The following CD109 variants were observed in gnomAD, a reference collection of about 807,000 sequenced individuals.
The protein encoded by CD109 is CD109 molecule.
In CD109, 149 loss-of-function variants were observed where a neutral mutation model predicts 165.8. The ratio of observed to expected loss-of-function variants is 0.90; its 90% confidence interval spans 0.79 to 1.03. CD109 has a LOEUF of 1.03. Ranked by LOEUF, CD109 falls within the 50% of genes least tolerant of loss-of-function variation. CD109 has a pLI of 0.00. For missense variants in CD109, 1,712 were observed against 1,677.8 expected, an observed-to-expected ratio of 1.02 and a Z score of -0.36; for synonymous variants, 585 against 592.1, an observed-to-expected ratio of 0.99 and a Z score of 0.18.
intron 2 of CD109, among the ~76,000 whole-genome samples, chr6:73,717,579 T>TTCACTGC (rs1454452149): frequency 6.6e-6 from 1 of 151,530 alleles, no homozygotes; most frequent in Non-Finnish European, 1.5e-5. Context: ...TTTCAGATTG[T>TTCACTGC]TCACTGCTGG....
In CD109 at chr6:73,750,548, G is replaced by C. The variant is rs1288898476; in HGVS notation, c.634-6095G>C. ...GCATCTTCTGGGGTCAGTGAAATGGGAGAGGCAGAATCGAGATTTCAAGAG... is the reference window on the plus strand; with the variant it reads ...GCATCTTCTGGGGTCAGTGAAATGGCAGAGGCAGAATCGAGATTTCAAGAG... On this transcript the variant is annotated intron_variant, in intron 5 of 32. Transcript: ENST00000287097. 2.0e-5 allele frequency among the ~76,000 whole-genome samples: 3 copies of C among 152,156 alleles called. No homozygotes were observed. The East Asian group carries it at 5.8e-4, about 29-fold the overall frequency.
chr6:73,748,745 T>G (rs1035985793), intron 5 of CD109, among the ~76,000 whole-genome samples: 2 of 152,154 alleles, frequency 1.3e-5, no homozygotes, highest in Admixed American at 6.5e-5. Flanking sequence ...TTGAACCCCA[T>G]AGAGAAATAT....
In CD109 at chr6:73,806,973, A is replaced by G. The variant is rs148085421; in HGVS notation, c.3090A>G (p.Pro1030=). ...AATCCAACGGTGAATTTTGGGATCC[A>G]GGAAGAGTGATTCATAGTGAGCTTC... ...HQKSNGEFWD[P]GRVIHSELQG... Residue 1030 remains proline, a synonymous_variant, in exon 25 of 33, where the codon CCA becomes CCG. Transcript: ENST00000287097. 2.5e-6 allele frequency: 4 copies of G among 1,614,096 alleles called. No individual in the cohort carries two copies. The highest frequency in any genetic ancestry group is 2.5e-6 in the Non-Finnish European group (3 of 1,179,986).
intron 2 of CD109, among the ~76,000 whole-genome samples, chr6:73,704,016 C>A (rs1220066525): frequency 1.3e-5 from 2 of 152,060 alleles, no homozygotes; most frequent in Non-Finnish European, 2.9e-5. Flanking sequence ...GAAACCCCGT[C>A]TCTACCAAAA....
At chr6:73,737,558 T>C (rs1772594691) in intron 5 of CD109, among the ~76,000 whole-genome samples, 1 of 152,238 alleles carries the variant, frequency 6.6e-6, no homozygotes, top group Admixed American at 6.5e-5. Context: ...TGCATAACCA[T>C]TAAAGTCATG....
intron 2 of CD109, among the ~76,000 whole-genome samples, chr6:73,707,637 A>G (rs972622389): frequency 2.0e-5 from 3 of 152,098 alleles, no homozygotes; most frequent in East Asian, 1.9e-4. Context: ...GTATCATCCA[A>G]TATGGTAGCT....
chr6:73,766,011 A>G lies in CD109; in HGVS notation c.1189A>G (p.Asn397Asp). 6.2e-7 allele frequency: 1 copy of G among 1,614,132 alleles called. No individual in the cohort carries two copies. The highest frequency in any genetic ancestry group is 1.1e-5 in the South Asian group (1 of 91,078). Residue 397 changes from asparagine (N) to aspartate (D), a missense_variant, in exon 11 of 33, where the codon AAC becomes GAC. Physicochemically the swap from Asn to Asp is conservative, Grantham distance 23 (BLOSUM62 1). Coordinates refer to ENST00000287097, the MANE Select transcript of CD109 (RefSeq NM_133493.5). The stretch of plus-strand genomic sequence containing the variant: ...TGTAGTCATAACAGTGACACAGAGA[A>G]ACTATACTGAGTACTGGAGCGGATC... ...NNVVITVTQRNYTEYWSGSNS... is the reference protein window; with the variant it reads ...NNVVITVTQRDYTEYWSGSNS...
intron 2 of CD109, among the ~76,000 whole-genome samples, chr6:73,710,224 G>C (rs1004669513): frequency 4.6e-5 from 7 of 152,268 alleles, no homozygotes; most frequent in Admixed American, 1.3e-4. Flanking sequence ...TCCTTAAGCT[G>C]ATAAGCAACT....
intron 5 of CD109, among the ~76,000 whole-genome samples, chr6:73,737,824 G>A (rs1772604620): frequency 6.6e-6 from 1 of 152,236 alleles, no homozygotes; most frequent in African/African-American, 2.4e-5. Context: ...GATGTTACTG[G>A]AGCATGTGGA....
Position 73,696,255 on chromosome 6 carries a change from T to C in CD109, c.40T>C (p.Cys14Arg). 1 of 1,540,028 alleles carries C rather than the reference T, an allele frequency of 6.5e-7. No homozygotes were observed. Among genetic ancestry groups the C allele is most frequent in the South Asian group, 1.2e-5 (1 of 84,114 alleles). Residue 14 changes from cysteine to arginine, a missense_variant, in exon 1 of 33, where the codon TGC becomes CGC. Physicochemically the swap from Cys to Arg is radical, Grantham distance 180 (BLOSUM62 -3). Transcript: ENST00000287097. ...PPLLTAAHLL[C>R]VCTAALAVAP... is the part of the protein sequence containing the mutation. The stretch of plus-strand genomic sequence containing the variant: ...GCTCCTGACCGCCGCCCACCTCCTC[T>C]GCGTGTGCACCGCCGCGCTGGCCGT...
At chr6:73,784,290 G>A (rs1235285762) in intron 19 of CD109, among the ~76,000 whole-genome samples, 1 of 127,584 alleles carries the variant, frequency 7.8e-6, no homozygotes, top group African/African-American at 3.1e-5. Context: ...ACCATGAGTG[G>A]CCTGAATTTT....
rs1776179358 is a variant in CD109, at chr6:73,823,629, T to C, written c.4334T>C (p.Leu1445Pro). 2 of 1,605,272 alleles carry C rather than the reference T, an allele frequency of 1.2e-6. No individual in the cohort carries two copies. The highest frequency in any genetic ancestry group is 3.4e-5 in the Admixed American group (2 of 59,690). The change falls in exon 33 of 33, where the codon CTG becomes CCG. Residue 1445 changes from leucine (L) to proline (P), a missense_variant. Physicochemically the swap from Leu to Pro is moderately conservative, Grantham distance 98. Coordinates refer to ENST00000287097, the MANE Select transcript of CD109 (RefSeq NM_133493.5). ...CTTCTGTACTTTATGGAACTTTGGC[T>C]GTGATTTATTTTTAAAGGACTCTGT... is the stretch of plus-strand genomic sequence containing the variant. ...FKLLYFMELW[L>P]
intron 15 of CD109, among the ~76,000 whole-genome samples, chr6:73,775,214 T>C (rs1214444261): frequency 6.6e-6 from 1 of 152,056 alleles, no homozygotes; most frequent in East Asian, 1.9e-4. Context: ...TATGTATATA[T>C]GAGGTTATTG....
chr6:73,744,748 G>T (rs2150199191), intron 5 of CD109, among the ~76,000 whole-genome samples: 1 of 152,208 alleles, frequency 6.6e-6, no homozygotes, highest in East Asian at 1.9e-4. Context: ...AGCCACCCTA[G>T]GAGGACCCCT....
In CD109 at chr6:73,763,152, A is replaced by G. The variant is rs555636009; in HGVS notation, c.997+270A>G. On this transcript the variant is annotated intron_variant, in intron 9 of 32. Coordinates refer to ENST00000287097, the MANE Select transcript of CD109 (RefSeq NM_133493.5). The stretch of plus-strand genomic sequence containing the variant: ...CTCTTTCCCCCTGAAAACTACATGG[A>G]AAGGCTTACATTTTCAGCTGGTAAC... 7.9e-5 allele frequency among the ~76,000 whole-genome samples: 12 copies of G among 152,250 alleles called. 1 individual carries two copies. The South Asian group carries it at 2.5e-3, about 32-fold the overall frequency.
chr6:73,801,978 A>C (rs1775372139), intron 23 of CD109, among the ~76,000 whole-genome samples: 1 of 152,070 alleles, frequency 6.6e-6, no homozygotes, highest in Admixed American at 6.6e-5. Context: ...TTTAGTGATA[A>C]GTTATTGCTA....
rs1774219984 is a variant in CD109 at position 73,775,689 on chromosome 6, A to G, written c.1827+4108A>G. 2.0e-5 allele frequency among the ~76,000 whole-genome samples: 3 copies of G among 152,238 alleles called. No individual in the cohort carries two copies. In the South Asian group the frequency reaches 6.2e-4, roughly 32 times the overall value. ...CTGCTCCCACCCTCCACCCTCTGAC[A>G]ATCTCTACTGTGTGTTGTTCCTCTC... On this transcript the variant is annotated intron_variant, in intron 15 of 32. Transcript: ENST00000287097.
At chr6:73,752,896 G>A (rs1394881229) in intron 5 of CD109, among the ~76,000 whole-genome samples, 3 of 152,112 alleles carry the variant, frequency 2.0e-5, no homozygotes, top group Non-Finnish European at 2.9e-5. Context: ...TGAAAGTGAA[G>A]GAAAATTGTT....
chr6:73,726,828 A>G (rs1396805676), intron 3 of CD109, among the ~76,000 whole-genome samples: 1 of 152,210 alleles, frequency 6.6e-6, no homozygotes, highest in African/African-American at 2.4e-5. Context: ...GATATTGTCA[A>G]TTCCCAGACT....
Sources: allele counts gnomAD v4.1 joint callset (sites outside exome capture counted in the v4.1 genomes callset), GRCh38; gene constraint gnomAD v4.1.1; transcripts MANE v1.5; gene names NCBI Gene and HGNC (gene_info 2026-07-23, HGNC 2026-07-21).